KIF20A: variants seen among roughly 807,000 people sequenced by gnomAD.
KIF20A encodes the protein kinesin-like protein KIF20A.
In KIF20A, 66 loss-of-function variants were observed where a neutral mutation model predicts 113.0. That is an observed-to-expected ratio of 0.58 (90% CI 0.48 to 0.72). The LOEUF (loss-of-function observed/expected upper bound fraction) is 0.72. Ranked by LOEUF, KIF20A falls within the 30% of genes least tolerant of loss-of-function variation. The pLI, the probability that KIF20A is intolerant of heterozygous loss-of-function variation, is 0.00. For synonymous variants in KIF20A, 376 were observed against 402.3 expected (o/e 0.93, Z 0.78); for missense variants, 927 against 1,077.6 (o/e 0.86, Z 1.96).
chr5:138,180,850 T>C (rs888407447), intron 2 of KIF20A, among the ~76,000 whole-genome samples: 3 of 152,170 alleles, frequency 2.0e-5, no homozygotes, highest in Admixed American at 2.0e-4. Flanking sequence ...CTAATTTTTG[T>C]ATTTTTAGTA....
rs752754335 is a variant in KIF20A, at chr5:138,185,929, CA to C, written c.2126-31del. 8 of 1,594,010 alleles carry C rather than the reference CA, an allele frequency of 5.0e-6. No homozygotes were observed. In the African/African-American group the frequency reaches 8.1e-5, roughly 16 times the overall value. Reference sequence around the variant, plus strand: ...TTAGTCCAAGGCTAAAAAAACCCCACATATTTTAAGTTTCCTGTTTCCTTCC... The same window carrying C: ...TTAGTCCAAGGCTAAAAAAACCCCACTATTTTAAGTTTCCTGTTTCCTTCC... On this transcript the variant is annotated intron_variant, in intron 16 of 18. Coordinates refer to ENST00000394894, the MANE Select transcript of KIF20A (RefSeq NM_005733.3).
At position 138,183,483 on chromosome 5, in the gene KIF20A, T is replaced by G. The variant is rs772816835; in HGVS notation, c.1041T>G (p.Ile347Met). The G allele has an allele frequency of 1.9e-6, 3 of 1,614,116 alleles. No homozygotes were observed. In the South Asian group the frequency reaches 3.3e-5, roughly 18 times the overall value. The change falls in exon 9 of 19, where the codon ATT becomes ATG. Residue 347 changes from isoleucine (I) to methionine (M), a missense_variant. Ile to Met is a conservative substitution (Grantham distance 10). Transcript: ENST00000394894. The surrounding 1 kb of genome is among the most constrained non-coding windows in gnomAD (Gnocchi z 5.2). Reference protein sequence around the residue: ...GNPYVKDLNWIHVQDAEEAWK... With the variant: ...GNPYVKDLNWMHVQDAEEAWK... ...CTTTGGCCCCAGATCTCAACTGGAT[T>G]CATGTGCAAGATGCTGAGGAGGCCT...
At chr5:138,185,344 C>A in intron 15 of KIF20A, 147 bp downstream of exon 15, 1 of 850,644 alleles carries the variant, frequency 1.2e-6, no homozygotes, top group Non-Finnish European at 1.9e-6. Flanking sequence ...TGGGTTCAAT[C>A]TATGTTTGGT....
chr5:138,184,041 A>G lies in KIF20A; in HGVS notation c.1288A>G (p.Ile430Val), dbSNP rs1184885164. The G allele has an allele frequency of 1.9e-6, 3 of 1,614,152 alleles. No individual in the cohort carries two copies. Among genetic ancestry groups the G allele is most frequent in the East Asian group, 2.2e-5 (1 of 44,862 alleles). The change falls in exon 11 of 19, where the codon ATT becomes GTT. Residue 430 changes from isoleucine (I) to valine (V), a missense_variant. Physicochemically the swap from Ile to Val is conservative, Grantham distance 29 (BLOSUM62 3). Coordinates refer to ENST00000394894, the MANE Select transcript of KIF20A (RefSeq NM_005733.3). ...SGERLKEAGN[I>V]NTSLHTLGRC... is the part of the protein sequence containing the mutation. ...TGAACGGTTGAAGGAAGCAGGAAAC[A>G]TTAACACCTCTCTACACACCCTGGG... is the stretch of plus-strand genomic sequence containing the variant.
rs767145808 is a variant in KIF20A at position 138,185,499 on chromosome 5, G to C, written c.1927-13G>C. On this transcript the variant is annotated splice_polypyrimidine_tract_variant and intron_variant, in intron 15 of 18. Coordinates refer to ENST00000394894, the MANE Select transcript of KIF20A (RefSeq NM_005733.3). ...GGCTCTGCAAAGAATTGTGCTCTCT[G>C]CTTCCCTCTTAGGAGCGGGATGAAA... The C allele has an allele frequency of 6.2e-6, 10 of 1,611,472 alleles. No homozygotes were observed. Among genetic ancestry groups the C allele is most frequent in the Non-Finnish European group, 7.6e-6 (9 of 1,178,996 alleles).
intron 15 of KIF20A, 128 bp downstream of exon 15, chr5:138,185,325 A>G: frequency 2.4e-6 from 2 of 836,898 alleles, no homozygotes; most frequent in Non-Finnish European, 3.9e-6. Flanking sequence ...TCTATTCCCC[A>G]TAGTGCTTTG....
At chr5:138,181,177 C>T (rs1379099689) in intron 2 of KIF20A, among the ~76,000 whole-genome samples, 2 of 152,202 alleles carry the variant, frequency 1.3e-5, no homozygotes, top group African/African-American at 4.8e-5. Context: ...TCAATAAATT[C>T]GAACTCAGAT....
chr5:138,187,018 A>G (rs1754755722), intron 18 of KIF20A, 78 bp from the exon 19 acceptor site: 1 of 1,034,790 alleles, frequency 9.7e-7, no homozygotes. Flanking sequence ...AATGGATGGT[A>G]TGTATTACCC....
In KIF20A at chr5:138,183,914, G is replaced by A. The variant is rs780941522; in HGVS notation, c.1209-48G>A. On this transcript the variant is annotated intron_variant, in intron 10 of 18. Transcript: ENST00000394894. The surrounding 1 kb of genome is among the most constrained non-coding windows in gnomAD (Gnocchi z 5.2). ...CCAGAATTATACAAAGGGCCAGAAG[G>A]CTCATAACATGTGAGGCCCTTATGT... 6.2e-7 allele frequency: 1 copy of A among 1,611,550 alleles called. No individual in the cohort carries two copies. Among genetic ancestry groups the A allele is most frequent in the Non-Finnish European group, 8.5e-7 (1 of 1,178,436 alleles).
At position 138,184,587 on chromosome 5, in the gene KIF20A, TC is replaced by T; in HGVS notation, c.1599del (p.Ser534AlafsTer2). On this transcript the variant is annotated frameshift_variant, in exon 13 of 19. Coordinates refer to ENST00000394894, the MANE Select transcript of KIF20A (RefSeq NM_005733.3). LOFTEE classifies it high-confidence loss of function. The stretch of plus-strand genomic sequence containing the variant: ...CATCAAGGAACATAGTCTTCAGGTA[TC>T]CCCCAGCTTAGAGAAAGGGGCTAAG... ...SFIKEHSLQV[S>X]PSLEKGAKAD... is the part of the protein sequence containing the mutation. 1 of 1,614,148 alleles carries T rather than the reference TC, an allele frequency of 6.2e-7. No individual in the cohort carries two copies. The highest frequency in any genetic ancestry group is 8.5e-7 in the Non-Finnish European group (1 of 1,179,996).
At position 138,186,489 on chromosome 5, in the gene KIF20A, A is replaced by C. The variant is rs1754748303; in HGVS notation, c.2355+58A>C. On this transcript the variant is annotated intron_variant, in intron 18 of 18. Transcript: ENST00000394894. ...ACCAGCCCACTCCAGTGTATATGTGAGAAAGGAAAGAGGACCAGAAGAAAA... is the reference window on the plus strand; with the variant it reads ...ACCAGCCCACTCCAGTGTATATGTGCGAAAGGAAAGAGGACCAGAAGAAAA... 9 of 1,538,676 alleles carry C rather than the reference A, an allele frequency of 5.8e-6. No individual in the cohort carries two copies. The East Asian group carries it at 2.1e-4, about 36-fold the overall frequency.
intron 11 of KIF20A, 47 bp from the exon 12 acceptor site, chr5:138,184,192 G>A (rs1281243674): frequency 6.2e-7 from 1 of 1,611,114 alleles, no homozygotes; most frequent in Non-Finnish European, 8.5e-7. Context: ...GATACCCAAA[G>A]GGCTGGTGTT....
chr5:138,186,276 C>T lies in KIF20A; in HGVS notation c.2218-18C>T, dbSNP rs762312170. 29 of 1,584,182 alleles carry T rather than the reference C, an allele frequency of 1.8e-5. No homozygotes were observed. Among genetic ancestry groups the T allele is most frequent in the Non-Finnish European group, 2.2e-5 (26 of 1,170,750 alleles). ...GTTGCTCTTGGCCACAATATGATTC[C>T]TACTTCCCCTTTTTCAGAATATAAG... On this transcript the variant is annotated intron_variant, in intron 17 of 18. Coordinates refer to ENST00000394894, the MANE Select transcript of KIF20A (RefSeq NM_005733.3).
At position 138,182,295 on chromosome 5, in the gene KIF20A, G is replaced by A. The variant is rs770370194; in HGVS notation, c.376-28G>A. On this transcript the variant is annotated intron_variant, in intron 4 of 18. Coordinates refer to ENST00000394894, the MANE Select transcript of KIF20A (RefSeq NM_005733.3). ...GAGGCAAGTGGGAGATGAAGGAGAG[G>A]CCTCTAAAAAACTGGGTCTCTCTCT... is the stretch of plus-strand genomic sequence containing the variant. The A allele has an allele frequency of 1.6e-5, 26 of 1,605,396 alleles. No homozygotes were observed. The Admixed American group carries it at 3.7e-4, about 23-fold the overall frequency.
At chr5:138,180,098 A>C (rs1396306863) in intron 2 of KIF20A, among the ~76,000 whole-genome samples, 1 of 152,230 alleles carries the variant, frequency 6.6e-6, no homozygotes, top group Non-Finnish European at 1.5e-5. Context: ...AATAGCCTCA[A>C]ATGCATGCTC....
In KIF20A at chr5:138,187,431, A is replaced by G. The variant is rs1373623713; in HGVS notation, c.*18A>G. ...AGTACTAAGGCTGTGGGGAAAGAGA[A>G]GAGCAGTCATGGCCCTGAGGTGGGT... On this transcript the variant is annotated 3_prime_UTR_variant, in exon 19 of 19. Coordinates refer to ENST00000394894, the MANE Select transcript of KIF20A (RefSeq NM_005733.3). 4 of 1,603,364 alleles carry G rather than the reference A, an allele frequency of 2.5e-6. No individual in the cohort carries two copies. The highest frequency in any genetic ancestry group is 2.7e-5 in the African/African-American group (2 of 74,566).
intron 4 of KIF20A, 73 bp downstream of exon 4, chr5:138,181,801 G>T: frequency 6.4e-7 from 1 of 1,556,820 alleles, no homozygotes; most frequent in Non-Finnish European, 8.8e-7. Context: ...TAGAGGGAAA[G>T]CTTCTCTTCC....
chr5:138,183,298 GC>G lies in KIF20A; in HGVS notation c.964del (p.Gln322AsnfsTer20). On this transcript the variant is annotated frameshift_variant, in exon 8 of 19. Coordinates refer to ENST00000394894, the MANE Select transcript of KIF20A (RefSeq NM_005733.3). LOFTEE classifies it high-confidence loss of function. This position sits in a 1 kb window ranked among gnomAD's most constrained non-coding sequence, Gnocchi z 5.2. ...ELLYDLLEPP[S>X]QQRKRQTLRL... Reference sequence around the variant, plus strand: ...CTTTATGACCTATTAGAACCGCCTAGCCAACAGCGCAAGAGGCAGACTTTGC... The same window carrying G: ...CTTTATGACCTATTAGAACCGCCTAGCAACAGCGCAAGAGGCAGACTTTGC... 6.2e-7 allele frequency: 1 copy of G among 1,614,210 alleles called. No individual in the cohort carries two copies. The highest frequency in any genetic ancestry group is 8.5e-7 in the Non-Finnish European group (1 of 1,180,032).
chr5:138,187,443 G>T lies in KIF20A; in HGVS notation c.*30G>T. On this transcript the variant is annotated 3_prime_UTR_variant, in exon 19 of 19. Coordinates refer to ENST00000394894, the MANE Select transcript of KIF20A (RefSeq NM_005733.3). Reference sequence around the variant, plus strand: ...GTGGGGAAAGAGAAGAGCAGTCATGGCCCTGAGGTGGGTCAGCTACTCTCC... The same window carrying T: ...GTGGGGAAAGAGAAGAGCAGTCATGTCCCTGAGGTGGGTCAGCTACTCTCC... 6.3e-7 allele frequency: 1 copy of T among 1,575,314 alleles called. No individual in the cohort carries two copies. The highest frequency in any genetic ancestry group is 1.2e-5 in the South Asian group (1 of 86,710).
Sources: allele counts gnomAD v4.1 joint callset (sites outside exome capture counted in the v4.1 genomes callset), GRCh38; gene constraint gnomAD v4.1.1; non-coding constraint Gnocchi (gnomAD v3.1); transcripts MANE v1.5; gene names NCBI Gene and HGNC (gene_info 2026-07-23, HGNC 2026-07-21).